UHRF1: variants seen among roughly 807,000 people sequenced by gnomAD.
The protein encoded by UHRF1 is ubiquitin like with PHD and ring finger domains 1.
UHRF1 carries 9 observed loss-of-function variants against 96.5 expected under a neutral mutation model. The ratio of observed to expected loss-of-function variants is 0.09; its 90% CI spans 0.06 to 0.16. UHRF1 has a LOEUF of 0.16. Among genes scored for constraint, UHRF1 ranks in the 10% least tolerant of loss-of-function variants. The pLI, the probability that UHRF1 is intolerant of heterozygous loss-of-function variation, is 1.00. For synonymous variants in UHRF1, 455 were observed against 469.9 expected (o/e 0.97, Z 0.41); for missense variants, 626 against 1,131.1 (o/e 0.55, Z 6.40).
At chr19:4,949,957 C>T (rs1270101120) in intron 11 of UHRF1, among the ~76,000 whole-genome samples, 1 of 151,878 alleles carries the variant, frequency 6.6e-6, no homozygotes, top group East Asian at 1.9e-4. Flanking sequence ...GTAGCCTCCA[C>T]CTCCTTGGGC....
At chr19:4,916,403 C>A (rs1044688559) in intron 2 of UHRF1, among the ~76,000 whole-genome samples, 2 of 152,006 alleles carry the variant, frequency 1.3e-5, no homozygotes, top group Non-Finnish European at 2.9e-5. Flanking sequence ...GCGGAGCCGT[C>A]CCTGGTGACG....
intron 16 of UHRF1, among the ~76,000 whole-genome samples, chr19:4,957,597 C>T (rs17884568): frequency 0.031 from 4,781 of 152,178 alleles, 255 homozygotes; most frequent in African/African-American, 0.11. Context: ...TGTAAGCCAC[C>T]GCGCCCACCC....
chr19:4,943,345 T>C (rs569737555), intron 7 of UHRF1, among the ~76,000 whole-genome samples: 2 of 152,256 alleles, frequency 1.3e-5, no homozygotes, highest in Non-Finnish European at 2.9e-5. Context: ...TCACAGCTTC[T>C]GTGAGAGGAG....
intron 9 of UHRF1, 129 bp downstream of exon 9, chr19:4,944,579 G>T: frequency 9.9e-7 from 1 of 1,006,040 alleles, no homozygotes; most frequent in South Asian, 1.4e-5. Context: ...AGCCGAGGAG[G>T]GGTGTGGAAA....
upstream of UHRF1, among the ~76,000 whole-genome samples, chr19:4,908,970 G>A (rs918010158): frequency 5.3e-5 from 8 of 152,260 alleles, no homozygotes; most frequent in African/African-American, 1.7e-4. Context: ...GCGGGAAAAC[G>A]AGGCGGGAAA....
At chr19:4,922,697 G>A (rs1233503188) in intron 2 of UHRF1, among the ~76,000 whole-genome samples, 1 of 152,210 alleles carries the variant, frequency 6.6e-6, no homozygotes, top group African/African-American at 2.4e-5. Flanking sequence ...GCCTGCTTTG[G>A]GGCCTTTCTG....
intron 2 of UHRF1, among the ~76,000 whole-genome samples, chr19:4,924,675 C>T (rs2032810745): frequency 6.6e-6 from 1 of 152,108 alleles, no homozygotes; most frequent in African/African-American, 2.4e-5. Context: ...CCTATAGACC[C>T]CCTGCCCCAA....
chr19:4,904,495 A>G (rs1240292981), intron 1 of UHRF1, among the ~76,000 whole-genome samples: 1 of 151,800 alleles, frequency 6.6e-6, no homozygotes, highest in East Asian at 1.9e-4. Context: ...TGTTATTTTT[A>G]GTAGAGACAG....
chr19:4,953,926 A>G (rs1194151796), intron 13 of UHRF1, among the ~76,000 whole-genome samples: 3 of 151,916 alleles, frequency 2.0e-5, no homozygotes. Flanking sequence ...GGCACCTGTA[A>G]TCCCAGCTAC....
intron 10 of UHRF1, 23 bp downstream of exon 10, chr19:4,945,988 T>TGGGGGGGGGGGGGGGGGGG: frequency 2.4e-6 from 1 of 424,890 alleles, no homozygotes; most frequent in Non-Finnish European, 4.3e-6. Flanking sequence ...GTGGGAGGGG[T>TGGGGGGGGGGGGGGGGGGG]GGGGGAGGGT....
intron 2 of UHRF1, among the ~76,000 whole-genome samples, chr19:4,920,415 G>A (rs1277045707): frequency 1.3e-5 from 2 of 152,034 alleles, no homozygotes; most frequent in East Asian, 1.9e-4. Flanking sequence ...CTGGGTGACA[G>A]TGAGACTCCG....
intron 4 of UHRF1, among the ~76,000 whole-genome samples, chr19:4,931,337 T>C (rs1158687287): frequency 1.3e-5 from 2 of 152,238 alleles, no homozygotes; most frequent in Admixed American, 1.3e-4. Flanking sequence ...ACACGGACAT[T>C]GGTTGACTTG....
intron 9 of UHRF1, 51 bp from the exon 10 acceptor site, chr19:4,945,810 C>T: frequency 6.7e-7 from 1 of 1,503,058 alleles, no homozygotes. Flanking sequence ...TGGAGCTTCT[C>T]TGCAGCAGTC....
chr19:4,933,175 A>G (rs1231908712), intron 5 of UHRF1, among the ~76,000 whole-genome samples: 2 of 152,120 alleles, frequency 1.3e-5, no homozygotes, highest in African/African-American at 2.4e-5. Context: ...TGCCCAGGGA[A>G]CTGTCTCTGA....
rs1422414057 is a variant in UHRF1 at position 4,930,507 on chromosome 19, G to A, written c.409-209G>A. Among the ~76,000 whole-genome samples, 2 of 152,260 alleles carry A rather than the reference G, an allele frequency of 1.3e-5. No homozygotes were observed. Among genetic ancestry groups the A allele is most frequent in the Non-Finnish European group, 2.9e-5 (2 of 68,048 alleles). On this transcript the variant is annotated intron_variant, in intron 3 of 16. Transcript: ENST00000650932. The surrounding 1 kb of genome is among the most constrained non-coding windows in gnomAD (Gnocchi z 4.4). ...AGCCGCAGGGGCCTTTGTTAAGACA[G>A]TCCATGCCCCCTGGCCCCGCATCCC...
At chr19:4,953,729 G>T (rs772622269) in intron 13 of UHRF1, among the ~76,000 whole-genome samples, 1 of 152,158 alleles carries the variant, frequency 6.6e-6, no homozygotes, top group Non-Finnish European at 1.5e-5. Context: ...GCTTCCCAAA[G>T]TGTTGGGCTT....
intron 2 of UHRF1, among the ~76,000 whole-genome samples, chr19:4,916,891 C>A (rs574733489): frequency 5.3e-5 from 8 of 152,156 alleles, no homozygotes; most frequent in Admixed American, 4.6e-4. Flanking sequence ...CCCTCCTGAT[C>A]GAGGCTTACA....
At chr19:4,945,993 G>GGC in intron 10 of UHRF1, 28 bp downstream of exon 10, 1 of 897,256 alleles carries the variant, frequency 1.1e-6, no homozygotes, top group Non-Finnish European at 1.8e-6. Flanking sequence ...AGGGGTGGGG[G>GGC]AGGGTTGCTC....
chr19:4,961,556 A>G lies in UHRF1; in HGVS notation c.*753A>G, dbSNP rs985579974. 1 of 152,518 alleles carries G rather than the reference A, an allele frequency of 6.6e-6. No individual in the cohort carries two copies. The highest frequency in any genetic ancestry group is 2.4e-5 in the African/African-American group (1 of 41,466). The allele number at this position is 152,518 out of a possible 1,614,324, so 9.4% of individuals were successfully genotyped here. ...GGCGGCCACGGACGGACGCCAGCAC[A>G]CGAAGTCACGTGCAAGTGCCTTTGA... On this transcript the variant is annotated 3_prime_UTR_variant, in exon 17 of 17. Coordinates refer to ENST00000650932, the MANE Select transcript of UHRF1 (RefSeq NM_001048201.3).
Sources: gnomAD v4.1 joint callset for allele counts (sites outside exome capture counted in the v4.1 genomes callset) on GRCh38, gnomAD v4.1.1 for gene constraint, Gnocchi (gnomAD v3.1) non-coding constraint, MANE v1.5 for transcripts, NCBI Gene and HGNC (gene_info 2026-07-23, HGNC 2026-07-21) for gene names.